The following INTS6L variants were observed in gnomAD, a reference collection of about 807,000 sequenced individuals.
INTS6L encodes the protein integrator complex subunit 6-like.
INTS6L carries 18 observed loss-of-function variants against 64.7 expected under a neutral mutation model. The observed-to-expected ratio is 0.28, with a 90% confidence interval of 0.19 to 0.41. The LOEUF (loss-of-function observed/expected upper bound fraction) is 0.41. Among genes scored for constraint, INTS6L ranks in the 10% least tolerant of loss-of-function variants. The probability of loss-of-function intolerance (pLI) is 1.00; values close to 1 mark genes in which losing one functional copy is unlikely to be tolerated. For missense variants in INTS6L, 533 were observed against 661.0 expected, an observed-to-expected ratio of 0.81 and a Z score of 2.12; for synonymous variants, 227 against 235.9, an observed-to-expected ratio of 0.96 and a Z score of 0.34.
chrX:135,571,999 C>T (rs1195623929), intron 11 of INTS6L: 1 of 111,800 alleles, frequency 8.9e-6, no homozygotes, highest in African/African-American at 3.2e-5. Flanking sequence ...TGTCACCAAA[C>T]CACAAGAAAT....
chrX:135,529,220 A>G (rs1025922220), intron 2 of INTS6L, among the ~76,000 whole-genome samples: 1 of 112,510 alleles, frequency 8.9e-6, no homozygotes, highest in African/African-American at 3.2e-5. Context: ...TGATTTACAT[A>G]GCTACTTTGC....
At chrX:135,529,712 C>T (rs2085851383) in intron 2 of INTS6L, among the ~76,000 whole-genome samples, 1 of 111,914 alleles carries the variant, frequency 8.9e-6, no homozygotes, top group African/African-American at 3.2e-5. Flanking sequence ...GTATAACTAT[C>T]CCTGTATTTC....
chrX:135,530,582 A>T (rs782553598), intron 2 of INTS6L, among the ~76,000 whole-genome samples: 2 of 112,489 alleles, frequency 1.8e-5, no homozygotes, highest in African/African-American at 6.5e-5. Flanking sequence ...GTTTTTTCTA[A>T]TCCACAGCCT....
chrX:135,529,878 T>C (rs782355384), intron 2 of INTS6L, among the ~76,000 whole-genome samples: 1 of 112,064 alleles, frequency 8.9e-6, no homozygotes, highest in African/African-American at 3.2e-5. Flanking sequence ...TCCTAGTCAG[T>C]CTGTGTACTG....
chrX:135,549,828 G>A (rs782211606), intron 7 of INTS6L, 23 bp downstream of exon 7: 13 of 1,203,347 alleles, frequency 1.1e-5, no homozygotes, highest in Non-Finnish European at 1.2e-5. Context: ...AAATAAAAAG[G>A]TAAACATCAT....
At chrX:135,560,670 C>T (rs782364660) in intron 9 of INTS6L, among the ~76,000 whole-genome samples, 1 of 111,087 alleles carries the variant, frequency 9.0e-6, no homozygotes, top group South Asian at 3.8e-4. Context: ...TGGCAAAACC[C>T]TGTCTCTACT....
chrX:135,543,818 T>A (rs782510482), intron 2 of INTS6L, among the ~76,000 whole-genome samples: 1 of 112,274 alleles, frequency 8.9e-6, no homozygotes, highest in Non-Finnish European at 1.9e-5. Flanking sequence ...TTCACTAAAG[T>A]TCAGTTTATC....
At chrX:135,522,305 A>G (rs1556498021) in intron 2 of INTS6L, among the ~76,000 whole-genome samples, 1 of 111,635 alleles carries the variant, frequency 9.0e-6, no homozygotes, top group Non-Finnish European at 1.9e-5. Context: ...CAAGAAAGAA[A>G]GGAAGGGGAG....
chrX:135,568,927 C>G (rs1365185777), intron 9 of INTS6L, among the ~76,000 whole-genome samples: 1 of 111,906 alleles, frequency 8.9e-6, no homozygotes, highest in Non-Finnish European at 1.9e-5. Context: ...TGTAAAGTCT[C>G]TTACCTTGAC....
At position 135,582,393 on chromosome X, in the gene INTS6L, A is replaced by G. The variant is rs1556535133; in HGVS notation, c.*757A>G. 3 of 112,673 alleles carry G rather than the reference A, an allele frequency of 2.7e-5. No homozygotes were observed. The highest frequency in any genetic ancestry group is 1.9e-4 in the Admixed American group (2 of 10,649). The allele number at this position is 112,673 out of a possible 1,213,427, so 9.3% of individuals were successfully genotyped here. On this transcript the variant is annotated 3_prime_UTR_variant, in exon 18 of 18. Transcript: ENST00000639893. ...GTATATTTCCTTTAATGTTTATACA[A>G]AAGTTTATATGGAGCAGTATTGTTA...
chrX:135,581,446 C>T (rs1237947855), intron 17 of INTS6L, 82 bp from the exon 18 acceptor site: 4 of 710,081 alleles, frequency 5.6e-6, no homozygotes, highest in South Asian at 5.4e-5. Flanking sequence ...TTGTAAGCTT[C>T]GATTTGTATC....
At chrX:135,524,965 C>A (rs1303394942) in intron 2 of INTS6L, among the ~76,000 whole-genome samples, 1 of 112,377 alleles carries the variant, frequency 8.9e-6, no homozygotes, top group Non-Finnish European at 1.9e-5. Context: ...AAGTTTTATG[C>A]ATAGTGTTAC....
intron 2 of INTS6L, among the ~76,000 whole-genome samples, chrX:135,528,679 A>G (rs1053480216): frequency 3.6e-5 from 4 of 112,001 alleles, no homozygotes; most frequent in African/African-American, 1.3e-4. Flanking sequence ...TTATTAATCT[A>G]ACTTGTTTCT....
Position 135,575,240 on chromosome X carries a change from GC to G in INTS6L, c.1884+16del. ...CAAGATAAGAAGGTAGGATACCTATGCCTATGTCTGCCTAAATTGGGATATT... is the reference window on the plus strand; with the variant it reads ...CAAGATAAGAAGGTAGGATACCTATGCTATGTCTGCCTAAATTGGGATATT... On this transcript the variant is annotated intron_variant, in intron 14 of 17. Transcript: ENST00000639893. The G allele has an allele frequency of 8.4e-7, 1 of 1,188,634 alleles. No individual in the cohort carries two copies. The highest frequency in any genetic ancestry group is 1.1e-6 in the Non-Finnish European group (1 of 885,480).
intron 6 of INTS6L, among the ~76,000 whole-genome samples, chrX:135,547,690 G>A (rs1210687063): frequency 8.9e-5 from 10 of 111,832 alleles, no homozygotes; most frequent in African/African-American, 2.3e-4. Flanking sequence ...AATTATGAAT[G>A]TTTATCCAGG....
chrX:135,548,854 GTT>G (rs1179374638), intron 6 of INTS6L, among the ~76,000 whole-genome samples: 31 of 112,250 alleles, frequency 2.8e-4, no homozygotes, highest in African/African-American at 9.0e-4. Context: ...ATCATTAAAA[GTT>G]TATATAACTC....
Position 135,546,481 on chromosome X carries a change from T to A in INTS6L, c.429+12T>A. Reference sequence around the variant, plus strand: ...GTGTTCAAGAAGAGGTGAGATTTTATTTTTTTTTTAATTTTGTTTAAATGG... The same window carrying A: ...GTGTTCAAGAAGAGGTGAGATTTTAATTTTTTTTTAATTTTGTTTAAATGG... On this transcript the variant is annotated intron_variant, in intron 4 of 17. Transcript: ENST00000639893. 1 of 977,777 alleles carries A rather than the reference T, an allele frequency of 1.0e-6. No individual in the cohort carries two copies. The highest frequency in any genetic ancestry group is 1.4e-6 in the Non-Finnish European group (1 of 728,589). 80.6% of individuals were successfully genotyped at this position (977,777 alleles called of 1,213,427 possible).
intron 11 of INTS6L, chrX:135,571,835 G>A (rs369022572): frequency 9.0e-6 from 1 of 111,410 alleles, no homozygotes; most frequent in African/African-American, 3.3e-5. Flanking sequence ...GGGACCTTTT[G>A]GGGCACATGT....
chrX:135,556,383 A>C (rs1457096196), intron 9 of INTS6L, 83 bp downstream of exon 9: 4 of 846,463 alleles, frequency 4.7e-6, no homozygotes. Flanking sequence ...TTTTAAATGT[A>C]GATGACGGTA....
Sources: gnomAD v4.1 joint callset for allele counts (sites outside exome capture counted in the v4.1 genomes callset) on GRCh38, gnomAD v4.1.1 for gene constraint, MANE v1.5 for transcripts, NCBI Gene and HGNC (gene_info 2026-07-23, HGNC 2026-07-21) for gene names.